The following GPHN variants were observed in gnomAD, a reference collection of about 807,000 sequenced individuals.
GPHN encodes the protein gephyrin.
GPHN carries 17 observed loss-of-function variants against 95.5 expected under a neutral mutation model. The observed-to-expected ratio is 0.18, with a 90% CI of 0.12 to 0.27. The LOEUF (loss-of-function observed/expected upper bound fraction) is 0.27, where lower values mean the gene tolerates loss of function less well. Ranked by LOEUF, GPHN falls within the 10% of genes least tolerant of loss-of-function variation. The probability of loss-of-function intolerance (pLI) is 1.00; values close to 1 mark genes in which losing one functional copy is unlikely to be tolerated. For synonymous variants in GPHN, 320 were observed against 322.5 expected (o/e 0.99, Z 0.08); for missense variants, 660 against 978.1 (o/e 0.67, Z 4.34).
chr14:66,977,616 A>G (rs984986405), intron 9 of GPHN, among the ~76,000 whole-genome samples: 1 of 152,176 alleles, frequency 6.6e-6, no homozygotes, highest in Non-Finnish European at 1.5e-5. Flanking sequence ...ACACACATAT[A>G]TAAGTTATTC....
At chr14:67,037,158 A>G (rs1188943657) in intron 10 of GPHN, among the ~76,000 whole-genome samples, 3 of 152,050 alleles carry the variant, frequency 2.0e-5, no homozygotes, top group Non-Finnish European at 2.9e-5. Flanking sequence ...ATCTTTGAAG[A>G]TGGTGCCAAG....
intron 5 of GPHN, 133 bp from the exon 6 acceptor site, chr14:66,915,870 G>A (rs1050640558): frequency 1.3e-5 from 9 of 711,920 alleles, no homozygotes; most frequent in Non-Finnish European, 2.3e-5. Context: ...AGCAGTGAAT[G>A]TCTTAAGATA....
At chr14:66,647,603 A>G (rs1566757677) in intron 1 of GPHN, among the ~76,000 whole-genome samples, 2 of 151,956 alleles carry the variant, frequency 1.3e-5, no homozygotes, top group Non-Finnish European at 1.5e-5. Context: ...AGTTTAACTT[A>G]TAAGTTAGGC....
At chr14:66,573,946 AT>A (rs935517488) in intron 1 of GPHN, among the ~76,000 whole-genome samples, 9 of 150,060 alleles carry the variant, frequency 6.0e-5, no homozygotes, top group African/African-American at 2.0e-4. Context: ...CTTGTTTTTA[AT>A]TTTTTTTTTA....
At chr14:67,030,308 A>G (rs1216722222) in intron 10 of GPHN, among the ~76,000 whole-genome samples, 1 of 152,202 alleles carries the variant, frequency 6.6e-6, no homozygotes, top group East Asian at 1.9e-4. Context: ...TGTCCAAACC[A>G]GAAATCTTTA....
the GPHN span, among the ~76,000 whole-genome samples, chr14:67,365,809 T>TG: frequency 6.6e-6 from 1 of 151,010 alleles, no homozygotes; most frequent in African/African-American, 2.4e-5. Context: ...TCTGGTTTAC[T>TG]GATACTTTCT....
At chr14:66,874,557 A>AC (rs1170235137) in intron 4 of GPHN, among the ~76,000 whole-genome samples, 2 of 152,214 alleles carry the variant, frequency 1.3e-5, no homozygotes, top group African/African-American at 4.8e-5. Flanking sequence ...TTAGAGAAGA[A>AC]CATAAATGAC....
At chr14:66,563,047 T>A (rs1432680622) in intron 1 of GPHN, among the ~76,000 whole-genome samples, 1 of 152,164 alleles carries the variant, frequency 6.6e-6, no homozygotes, top group Non-Finnish European at 1.5e-5. Flanking sequence ...CGTGGGGAGA[T>A]ATTCTGCCTA....
intron 1 of GPHN, among the ~76,000 whole-genome samples, chr14:66,620,979 T>C (rs1371409954): frequency 1.3e-5 from 2 of 152,274 alleles, no homozygotes; most frequent in African/African-American, 4.8e-5. Flanking sequence ...ATCTTTTTTT[T>C]TGAGAGAGAG....
chr14:67,329,734 T>G, the GPHN span, among the ~76,000 whole-genome samples: 1 of 151,918 alleles, frequency 6.6e-6, no homozygotes, highest in Admixed American at 6.6e-5. Context: ...CAAAAAACAT[T>G]AGCCAGGCAT....
chr14:66,836,668 G>T (rs950250670), intron 4 of GPHN, among the ~76,000 whole-genome samples: 1 of 144,632 alleles, frequency 6.9e-6, no homozygotes, highest in African/African-American at 2.7e-5. Context: ...CCTACAAAAT[G>T]GGAGAAAATT....
chr14:67,672,123 ATTT>A, the GPHN span, among the ~76,000 whole-genome samples: 2 of 143,452 alleles, frequency 1.4e-5, no homozygotes, highest in Non-Finnish European at 1.5e-5. Context: ...TGCAGTCTAC[ATTT>A]TTTTTTTTTT....
At chr14:66,960,308 A>G (rs2068809270) in intron 8 of GPHN, among the ~76,000 whole-genome samples, 1 of 134,896 alleles carries the variant, frequency 7.4e-6, no homozygotes, top group Non-Finnish European at 1.6e-5. Context: ...TGTACAGGTT[A>G]TACTTTCTTA....
At chr14:66,572,011 T>C (rs2060712861) in intron 1 of GPHN, among the ~76,000 whole-genome samples, 2 of 152,190 alleles carry the variant, frequency 1.3e-5, no homozygotes, top group African/African-American at 4.8e-5. Context: ...TTTCCCAATA[T>C]CATTTGTTGA....
At chr14:66,787,566 C>T (rs1323097609) in intron 3 of GPHN, among the ~76,000 whole-genome samples, 1 of 151,952 alleles carries the variant, frequency 6.6e-6, no homozygotes, top group South Asian at 2.1e-4. Context: ...ATAACTCTAC[C>T]CAATGAAAGT....
intron 2 of GPHN, among the ~76,000 whole-genome samples, chr14:66,688,271 GA>G (rs1376255611): frequency 6.6e-6 from 1 of 152,122 alleles, no homozygotes; most frequent in African/African-American, 2.4e-5. Context: ...GGAGGAAGAG[GA>G]AAAGGAGTTG....
chr14:66,730,235 G>T (rs913283907), intron 2 of GPHN, among the ~76,000 whole-genome samples: 1 of 152,146 alleles, frequency 6.6e-6, no homozygotes, highest in Admixed American at 6.5e-5. Flanking sequence ...TGGACTCAGT[G>T]TCCTTAGAGT....
intron 8 of GPHN, among the ~76,000 whole-genome samples, chr14:66,947,061 C>T (rs781392847): frequency 1.3e-5 from 2 of 152,170 alleles, no homozygotes; most frequent in African/African-American, 2.4e-5. Context: ...TTCATTGTTA[C>T]CAAAACTCCT....
chr14:67,289,498 T>C, the GPHN span, among the ~76,000 whole-genome samples: 1 of 151,960 alleles, frequency 6.6e-6, no homozygotes, highest in African/African-American at 2.4e-5. Context: ...TTGGAACCAA[T>C]CTCCCACTGA....
Sources: allele counts gnomAD v4.1 joint callset (sites outside exome capture counted in the v4.1 genomes callset), GRCh38; gene constraint gnomAD v4.1.1; transcripts MANE v1.5; gene names NCBI Gene and HGNC (gene_info 2026-07-23, HGNC 2026-07-21).